The following ACADL variants were observed in gnomAD, a reference collection of about 807,000 sequenced individuals.
The protein encoded by ACADL is acyl-CoA dehydrogenase long chain.
In ACADL, 60 loss-of-function variants were observed where a neutral mutation model predicts 56.9. The observed-to-expected ratio is 1.05, with a 90% confidence interval of 0.86 to 1.31. ACADL has a LOEUF of 1.31. ACADL is among the 50% of genes most tolerant of loss of function. The probability of loss-of-function intolerance (pLI) is 0.00; values close to 1 mark genes in which losing one functional copy is unlikely to be tolerated. For missense variants in ACADL, 484 were observed against 525.5 expected, an observed-to-expected ratio of 0.92 and a Z score of 0.77; for synonymous variants, 158 against 179.7, an observed-to-expected ratio of 0.88 and a Z score of 0.97.
chr2:210,200,818 G>T (rs12474872), intron 8 of ACADL, among the ~76,000 whole-genome samples: 57,892 of 151,966 alleles, frequency 0.38, 13,123 homozygotes, highest in Middle Eastern at 0.56. Context: ...TGGTAAAAAG[G>T]TCTCCCATAT....
chr2:210,210,829 T>C (rs1224193832), intron 4 of ACADL, among the ~76,000 whole-genome samples: 1 of 152,092 alleles, frequency 6.6e-6, no homozygotes, highest in African/African-American at 2.4e-5. Flanking sequence ...GCCTGTGGTC[T>C]CAGCTACTTG....
chr2:210,225,173 C>A lies in ACADL; in HGVS notation c.77+14G>T, dbSNP rs775883948. 40 of 1,529,222 alleles carry A rather than the reference C, an allele frequency of 2.6e-5. No individual in the cohort carries two copies. The highest frequency in any genetic ancestry group is 3.5e-5 in the Non-Finnish European group (40 of 1,144,024). 94.7% of individuals were successfully genotyped at this position (1,529,222 alleles called of 1,614,324 possible). The stretch of plus-strand genomic sequence containing the variant: ...TCCCGGCCTGCAGCCGCGGAAGTCC[C>A]GGCTGGCACTCACCGCGCGGCGGGC... On this transcript the variant is annotated intron_variant, in intron 1 of 10. Transcript: ENST00000233710.
At chr2:210,193,307 T>C (rs904892262) in intron 9 of ACADL, among the ~76,000 whole-genome samples, 1 of 152,204 alleles carries the variant, frequency 6.6e-6, no homozygotes, top group African/African-American at 2.4e-5. Context: ...ATGATGTCAC[T>C]TTCTACTTGA....
At chr2:210,208,807 C>G (rs528674376) in intron 5 of ACADL, among the ~76,000 whole-genome samples, 1 of 152,266 alleles carries the variant, frequency 6.6e-6, no homozygotes, top group Non-Finnish European at 1.5e-5. Context: ...AATGGCTGCA[C>G]ATTCGTTCAG....
intron 8 of ACADL, among the ~76,000 whole-genome samples, chr2:210,199,434 G>T (rs2125710701): frequency 6.6e-6 from 1 of 152,036 alleles, no homozygotes; most frequent in Non-Finnish European, 1.5e-5. Flanking sequence ...TCTTTAAAAA[G>T]GAATGATTAA....
At position 210,195,258 on chromosome 2, in the gene ACADL, A is replaced by G. The variant is rs1280486161; in HGVS notation, c.1065T>C (p.His355=). 3.7e-6 allele frequency: 6 copies of G among 1,613,952 alleles called. No individual in the cohort carries two copies. Among genetic ancestry groups the G allele is most frequent in the Non-Finnish European group, 4.2e-6 (5 of 1,179,918 alleles). The change falls in exon 9 of 11, where the codon CAT becomes CAC. Residue 355 remains histidine, a synonymous_variant. Transcript: ENST00000233710. ...RAFVDNCLQL[H]EAKRLDSATA... ...TGGCGGAGTCCAAACGTTTCGCTTC[A>G]TGCAGCTGGAGACAGTTGTCCACAA...
chr2:210,202,336 G>A (rs1480398629), intron 8 of ACADL, among the ~76,000 whole-genome samples: 2 of 152,052 alleles, frequency 1.3e-5, no homozygotes, highest in African/African-American at 4.8e-5. Flanking sequence ...CAAGTGATCT[G>A]CCTGCCTCAA....
At chr2:210,202,250 G>A (rs567800298) in intron 8 of ACADL, among the ~76,000 whole-genome samples, 2 of 152,068 alleles carry the variant, frequency 1.3e-5, no homozygotes, top group African/African-American at 4.8e-5. Flanking sequence ...GCACCACCAT[G>A]CCTGGCTAAT....
chr2:210,211,762 G>T (rs1205124093), intron 4 of ACADL, among the ~76,000 whole-genome samples: 1 of 151,592 alleles, frequency 6.6e-6, no homozygotes, highest in Non-Finnish European at 1.5e-5. Flanking sequence ...CCAGTTTCAG[G>T]TATTTTTTAT....
At chr2:210,210,379 C>A in intron 4 of ACADL, 117 bp from the exon 5 acceptor site, 1 of 750,130 alleles carries the variant, frequency 1.3e-6, no homozygotes, top group Non-Finnish European at 2.2e-6. Flanking sequence ...TATAAAATTG[C>A]TGAGTATTAA....
Position 210,210,177 on chromosome 2 carries a change from G to A in ACADL, c.603+19C>T. The A allele has an allele frequency of 6.3e-7, 1 of 1,583,104 alleles. No individual in the cohort carries two copies. The highest frequency in any genetic ancestry group is 8.7e-7 in the Non-Finnish European group (1 of 1,151,824). ...CATGACTCTGAAAAGAAGGGCTATA[G>A]AAGTCCTTTTTTACACACCTTGCTT... is the stretch of plus-strand genomic sequence containing the variant. On this transcript the variant is annotated intron_variant, in intron 5 of 10. Transcript: ENST00000233710.
intron 10 of ACADL, 85 bp from the exon 11 acceptor site, chr2:210,189,139 C>A: frequency 1.1e-6 from 1 of 910,930 alleles, no homozygotes; most frequent in African/African-American, 1.7e-5. Flanking sequence ...ATAAACTATT[C>A]AATTAGTGAA....
At chr2:210,207,028 C>T (rs949831744) in intron 5 of ACADL, among the ~76,000 whole-genome samples, 7 of 152,136 alleles carry the variant, frequency 4.6e-5, no homozygotes, top group African/African-American at 1.7e-4. Context: ...TCAATGAATG[C>T]TTCAATAAAT....
chr2:210,216,222 G>T, intron 4 of ACADL, 125 bp downstream of exon 4: 3 of 1,015,860 alleles, frequency 3.0e-6, no homozygotes, highest in Non-Finnish European at 3.1e-6. Context: ...TTGAGGTCAT[G>T]AATTATCCCG....
At chr2:210,214,525 G>GAAAGAAAGAAAAAGAAAGAAAGAAAA (rs1689050618) in intron 4 of ACADL, among the ~76,000 whole-genome samples, 2 of 151,014 alleles carry the variant, frequency 1.3e-5, no homozygotes, top group Non-Finnish European at 2.9e-5. Flanking sequence ...AAGAAAGAAA[G>GAAAGAAAGAAAAAGAAAGAAAGAAAA]AAAGAAATCT....
chr2:210,190,394 A>G lies in ACADL; in HGVS notation c.1200-1340T>C, dbSNP rs2125707570. Among the ~76,000 whole-genome samples, 2 of 152,270 alleles carry G rather than the reference A, an allele frequency of 1.3e-5. 1 individual carries two copies. The highest frequency in any genetic ancestry group is 4.1e-4 in the South Asian group (2 of 4,830). ...CAGCAGTCCCAATGCGTTTAGATATATATATATATATTTGTAAATGGGCTA... is the reference window on the plus strand; with the variant it reads ...CAGCAGTCCCAATGCGTTTAGATATGTATATATATATTTGTAAATGGGCTA... On this transcript the variant is annotated intron_variant, in intron 10 of 10. Coordinates refer to ENST00000233710, the MANE Select transcript of ACADL (RefSeq NM_001608.4).
At chr2:210,194,925 A>G (rs1278786936) in intron 9 of ACADL, among the ~76,000 whole-genome samples, 1 of 152,128 alleles carries the variant, frequency 6.6e-6, no homozygotes, top group Non-Finnish European at 1.5e-5. Flanking sequence ...ATCACTCTTC[A>G]TTTTCCCACT....
intron 5 of ACADL, 185 bp downstream of exon 5, chr2:210,210,011 T>C (rs1688951735): frequency 3.6e-6 from 2 of 552,644 alleles, no homozygotes; most frequent in African/African-American, 1.9e-5. Context: ...AAATGAAATA[T>C]AGAAGAAGCT....
chr2:210,205,930 C>A, intron 5 of ACADL, 134 bp from the exon 6 acceptor site: 2 of 965,924 alleles, frequency 2.1e-6, no homozygotes, highest in East Asian at 2.5e-5. Flanking sequence ...GTACCCTACC[C>A]AAATATCTGC....
Sources: allele counts gnomAD v4.1 joint callset (sites outside exome capture counted in the v4.1 genomes callset), GRCh38; gene constraint gnomAD v4.1.1; transcripts MANE v1.5; gene names NCBI Gene and HGNC (gene_info 2026-07-23, HGNC 2026-07-21).